The following GRIA4 variants were observed in gnomAD, a reference collection of about 807,000 sequenced individuals.
GRIA4 encodes the protein glutamate ionotropic receptor AMPA type subunit 4.
In GRIA4, 34 loss-of-function variants were observed where a neutral mutation model predicts 104.0. The observed-to-expected ratio is 0.33, with a 90% CI of 0.25 to 0.44. The LOEUF is 0.44. Ranked by LOEUF, GRIA4 falls within the 20% of genes least tolerant of loss-of-function variation. GRIA4 has a pLI of 1.00. For missense variants in GRIA4, 750 were observed against 1,096.5 expected (o/e 0.68, Z 4.46); for synonymous variants, 386 against 381.9 (o/e 1.01, Z -0.13).
intron 4 of GRIA4, among the ~76,000 whole-genome samples, chr11:105,815,229 C>A (rs150623774): frequency 6.6e-5 from 10 of 152,032 alleles, no homozygotes; most frequent in African/African-American, 2.4e-4. Flanking sequence ...TTGCTTAAAC[C>A]GGTATGATGA....
At chr11:105,803,860 AAAGAG>A (rs965437859) in intron 4 of GRIA4, among the ~76,000 whole-genome samples, 7 of 150,580 alleles carry the variant, frequency 4.6e-5, no homozygotes, top group East Asian at 1.9e-4. Flanking sequence ...AAAAAAAAAA[AAAGAG>A]AGAGAGAGAG....
intron 4 of GRIA4, among the ~76,000 whole-genome samples, chr11:105,789,579 TTTAA>T (rs1457529919): frequency 1.3e-5 from 2 of 152,294 alleles, no homozygotes; most frequent in African/African-American, 4.8e-5. Flanking sequence ...CTGAAGGGCC[TTTAA>T]TTAAAGTGCC....
Position 105,981,970 on chromosome 11 carries a change from C to T in GRIA4, c.*2231C>T, listed in dbSNP as rs993687213. On this transcript the variant is annotated 3_prime_UTR_variant, in exon 17 of 17. Coordinates refer to ENST00000282499, the MANE Select transcript of GRIA4 (RefSeq NM_000829.4). ...ATTGCCTGTGTACTCGTCTGTATAA[C>T]TACTAGACTGTAAGCTCCTTGAGGG... 1 of 152,582 alleles carries T rather than the reference C, an allele frequency of 6.6e-6. No homozygotes were observed. The highest frequency in any genetic ancestry group is 1.5e-5 in the Non-Finnish European group (1 of 68,064). 9.5% of individuals were successfully genotyped at this position (152,582 alleles called of 1,614,324 possible).
chr11:105,643,646 G>A (rs1951434936), intron 3 of GRIA4, among the ~76,000 whole-genome samples: 1 of 152,200 alleles, frequency 6.6e-6, no homozygotes, highest in East Asian at 1.9e-4. Context: ...AAAGGGGGTA[G>A]TGGTTCTTCT....
At chr11:105,922,797 A>G (rs1226582972) in intron 11 of GRIA4, among the ~76,000 whole-genome samples, 1 of 152,138 alleles carries the variant, frequency 6.6e-6, no homozygotes, top group Non-Finnish European at 1.5e-5. Flanking sequence ...ATGGGAAAAG[A>G]TAACATTTCC....
At chr11:105,959,967 C>T (rs1276219592) in intron 14 of GRIA4, among the ~76,000 whole-genome samples, 1 of 152,224 alleles carries the variant, frequency 6.6e-6, no homozygotes, top group Non-Finnish European at 1.5e-5. Flanking sequence ...GGCTGGAAAG[C>T]AGCCAGGATG....
At chr11:105,843,674 T>C (rs1264442862) in intron 4 of GRIA4, among the ~76,000 whole-genome samples, 1 of 152,200 alleles carries the variant, frequency 6.6e-6, no homozygotes, top group Non-Finnish European at 1.5e-5. Context: ...CCCTCAGTTC[T>C]AGCTATCTCA....
At chr11:105,752,665 T>C (rs1467541780) in intron 3 of GRIA4, among the ~76,000 whole-genome samples, 2 of 152,174 alleles carry the variant, frequency 1.3e-5, no homozygotes, top group Admixed American at 1.3e-4. Flanking sequence ...TTCTCTAGCA[T>C]AGGATTTGCC....
At chr11:105,934,354 GTC>G (rs1258106172) in intron 14 of GRIA4, among the ~76,000 whole-genome samples, 2 of 152,012 alleles carry the variant, frequency 1.3e-5, no homozygotes, top group Non-Finnish European at 2.9e-5. Context: ...CTGGCCACTA[GTC>G]TCTGAGTAAG....
At chr11:105,646,819 A>G (rs185998739) in intron 3 of GRIA4, among the ~76,000 whole-genome samples, 115 of 152,278 alleles carry the variant, frequency 7.6e-4, no homozygotes, top group Non-Finnish European at 1.4e-3. Context: ...TTAAATGTAA[A>G]ACTGAAAACT....
intron 3 of GRIA4, among the ~76,000 whole-genome samples, chr11:105,653,311 C>A (rs1951736635): frequency 6.6e-6 from 1 of 152,190 alleles, no homozygotes; most frequent in South Asian, 2.1e-4. Flanking sequence ...ACTACCCTTG[C>A]ACTCTGGGAC....
intron 14 of GRIA4, among the ~76,000 whole-genome samples, chr11:105,938,997 T>C (rs1374332288): frequency 6.6e-6 from 1 of 152,192 alleles, no homozygotes; most frequent in East Asian, 1.9e-4. Flanking sequence ...AATTAAAAGA[T>C]AACTAAAATT....
chr11:105,795,251 C>T (rs952377499), intron 4 of GRIA4, among the ~76,000 whole-genome samples: 1 of 152,040 alleles, frequency 6.6e-6, no homozygotes, highest in Admixed American at 6.6e-5. Context: ...TTAAGCACTC[C>T]AGTCTAGAAG....
rs1439748593 is a variant in GRIA4, at chr11:105,667,859, T to C, written c.247+55425T>C. ...TTTTGTGGTGAGAACTTTTGAAATC[T>C]ACCCTTTTAGAAAACTTCAAATATA... On this transcript the variant is annotated intron_variant, in intron 3 of 16. Transcript: ENST00000282499. Among the ~76,000 whole-genome samples the C allele has an allele frequency of 2.6e-5, 4 of 151,990 alleles. No individual in the cohort carries two copies. In the East Asian group the frequency reaches 7.7e-4, roughly 29 times the overall value.
chr11:105,846,990 C>T (rs1042797463), intron 4 of GRIA4, among the ~76,000 whole-genome samples: 1 of 152,186 alleles, frequency 6.6e-6, no homozygotes, highest in African/African-American at 2.4e-5. Context: ...ATCTTTTTGG[C>T]ACCGGGGACC....
At chr11:105,915,044 G>A (rs527905753) in intron 10 of GRIA4, among the ~76,000 whole-genome samples, 1 of 152,176 alleles carries the variant, frequency 6.6e-6, no homozygotes, top group Non-Finnish European at 1.5e-5. Context: ...TTGGGCGAAT[G>A]TTGAGTATTT....
intron 3 of GRIA4, among the ~76,000 whole-genome samples, chr11:105,636,610 A>G (rs777106206): frequency 2.0e-5 from 3 of 152,178 alleles, no homozygotes; most frequent in African/African-American, 4.8e-5. Flanking sequence ...CAGGTTTTGG[A>G]AGTCCATTTT....
chr11:105,958,965 T>C (rs1948663814), intron 14 of GRIA4, among the ~76,000 whole-genome samples: 1 of 152,206 alleles, frequency 6.6e-6, no homozygotes, highest in Admixed American at 6.5e-5. Flanking sequence ...TGTAGAGTTT[T>C]TGCTGAGAGG....
chr11:105,615,868 C>T (rs1273405591), intron 3 of GRIA4, among the ~76,000 whole-genome samples: 2 of 151,656 alleles, frequency 1.3e-5, no homozygotes, highest in South Asian at 2.1e-4. Flanking sequence ...AACAAAAATA[C>T]TAAATTAGTC....
Sources: allele counts gnomAD v4.1 joint callset (sites outside exome capture counted in the v4.1 genomes callset), GRCh38; gene constraint gnomAD v4.1.1; transcripts MANE v1.5; gene names NCBI Gene and HGNC (gene_info 2026-07-23, HGNC 2026-07-21).